Variants in PTPRN2 observed in about 807,000 individuals in gnomAD.
PTPRN2 encodes receptor-type tyrosine-protein phosphatase N2.
Under a neutral mutation model 118.8 loss-of-function variants are expected in PTPRN2, and 74 were observed. The observed-to-expected ratio is 0.62, with a 90% CI of 0.52 to 0.76. PTPRN2 has a LOEUF of 0.76. Ranked by LOEUF, PTPRN2 falls within the 30% of genes least tolerant of loss-of-function variation. The pLI is 0.00. For missense variants in PTPRN2, 1,481 were observed against 1,394.4 expected, an observed-to-expected ratio of 1.06 and a Z score of -0.99; for synonymous variants, 641 against 608.0, an observed-to-expected ratio of 1.05 and a Z score of -0.80.
At chr7:158,333,618 G>A (rs1266754031) in intron 2 of PTPRN2, among the ~76,000 whole-genome samples, 2 of 146,732 alleles carry the variant, frequency 1.4e-5, no homozygotes, top group African/African-American at 5.2e-5. Context: ...ACTATAAGAG[G>A]TGACACCTAC....
intron 11 of PTPRN2, among the ~76,000 whole-genome samples, chr7:158,053,616 A>T (rs574125476): frequency 6.6e-6 from 1 of 152,350 alleles, no homozygotes; most frequent in South Asian, 2.1e-4. Flanking sequence ...ATGTGGTAAA[A>T]GGAGATGTAT....
At chr7:157,569,108 G>A (rs939245403) in intron 20 of PTPRN2, 142 bp from the exon 21 acceptor site, 7 of 818,580 alleles carry the variant, frequency 8.6e-6, no homozygotes, top group African/African-American at 1.7e-5. Context: ...GGGGAGGAAG[G>A]ACGCGGGCTG....
At chr7:158,454,843 A>G (rs908279503) in intron 2 of PTPRN2, among the ~76,000 whole-genome samples, 1 of 152,218 alleles carries the variant, frequency 6.6e-6, no homozygotes, top group African/African-American at 2.4e-5. Context: ...CCCCCCAAGC[A>G]GACTACACAC....
intron 10 of PTPRN2, among the ~76,000 whole-genome samples, chr7:158,098,168 T>C (rs1469097002): frequency 2.6e-5 from 4 of 152,146 alleles, no homozygotes; most frequent in Non-Finnish European, 5.9e-5. Flanking sequence ...GCACCAGAAC[T>C]CAAGACCCAG....
Position 157,690,034 on chromosome 7 carries a change from C to T in PTPRN2, c.1789-7097G>A, listed in dbSNP as rs774997214. 6.6e-6 allele frequency among the ~76,000 whole-genome samples: 1 copy of T among 152,226 alleles called. No homozygotes were observed. Among genetic ancestry groups the T allele is most frequent in the Non-Finnish European group, 1.5e-5 (1 of 68,034 alleles). ...GCCTCCCATCTCCGTGCCTGCACCC[C>T]CCCACCCCCAGCACCCTGCAATGGT... On this transcript the variant is annotated intron_variant, in intron 12 of 22. Transcript: ENST00000389418. The surrounding 1 kb of genome is among the most constrained non-coding windows in gnomAD (Gnocchi z 7.1).
chr7:158,071,496 C>T lies in PTPRN2; in HGVS notation c.1723+9802G>A, dbSNP rs1442640759. Among the ~76,000 whole-genome samples, 13 of 124,422 alleles carry T rather than the reference C, an allele frequency of 1.0e-4. 1 individual carries two copies. Among genetic ancestry groups the T allele is most frequent in the African/African-American group, 4.4e-4 (13 of 29,224 alleles). 81.6% of individuals were successfully genotyped at this position (124,422 alleles called of 152,430 possible). ...GGTGGAGGTTCTCATGGTGCAGGTG[C>T]TCCTGGTGGAGATGCTCGTGGTGGT... is the stretch of plus-strand genomic sequence containing the variant. On this transcript the variant is annotated intron_variant, in intron 11 of 22. Coordinates refer to ENST00000389418, the MANE Select transcript of PTPRN2 (RefSeq NM_002847.5).
intron 5 of PTPRN2, among the ~76,000 whole-genome samples, chr7:158,175,669 A>G (rs548818630): frequency 1.2e-3 from 182 of 152,302 alleles, no homozygotes; most frequent in African/African-American, 4.2e-3. Flanking sequence ...ATACGGTGCT[A>G]TCTCTGCAGC....
At chr7:158,257,445 T>G (rs1797101413) in intron 3 of PTPRN2, among the ~76,000 whole-genome samples, 1 of 152,204 alleles carries the variant, frequency 6.6e-6, no homozygotes, top group Non-Finnish European at 1.5e-5. Flanking sequence ...AAACGTCTTT[T>G]TCTTGTTACT....
chr7:158,485,097 T>A (rs968491236), intron 2 of PTPRN2, among the ~76,000 whole-genome samples: 4 of 152,218 alleles, frequency 2.6e-5, no homozygotes. Flanking sequence ...CCGTGTCACC[T>A]GGGCCACCGA....
chr7:158,108,841 C>T (rs532195284), intron 10 of PTPRN2, among the ~76,000 whole-genome samples: 3 of 152,248 alleles, frequency 2.0e-5, no homozygotes, highest in Admixed American at 6.5e-5. Flanking sequence ...GCTCCTGGTG[C>T]GAGGCCAGGT....
At chr7:158,264,617 C>T (rs1430202437) in intron 3 of PTPRN2, among the ~76,000 whole-genome samples, 1 of 152,116 alleles carries the variant, frequency 6.6e-6, no homozygotes, top group Non-Finnish European at 1.5e-5. Context: ...GACTCACTGC[C>T]CCAGATTCAC....
intron 13 of PTPRN2, among the ~76,000 whole-genome samples, chr7:157,665,023 C>T (rs900994218): frequency 2.6e-5 from 4 of 152,316 alleles, no homozygotes; most frequent in South Asian, 4.1e-4. Flanking sequence ...AGGGGTTAAC[C>T]GGCAGTGGTG....
At chr7:158,575,558 G>A (rs1224633283) in intron 1 of PTPRN2, among the ~76,000 whole-genome samples, 2 of 152,172 alleles carry the variant, frequency 1.3e-5, no homozygotes, top group African/African-American at 4.8e-5. Context: ...TAGAGATAGA[G>A]TCTCACTGTG....
At chr7:158,225,327 T>C (rs1828679069) in intron 3 of PTPRN2, among the ~76,000 whole-genome samples, 1 of 151,538 alleles carries the variant, frequency 6.6e-6, no homozygotes, top group African/African-American at 2.4e-5. Context: ...AACCACCGAG[T>C]CCCTCAGCAG....
chr7:158,351,802 C>G (rs1010592010), intron 2 of PTPRN2, among the ~76,000 whole-genome samples: 2 of 152,090 alleles, frequency 1.3e-5, no homozygotes, highest in Admixed American at 1.3e-4. Context: ...GAGCTGGTTA[C>G]TACAAAGGTA....
chr7:158,009,943 GGCACCA>G (rs1805920435), intron 11 of PTPRN2, among the ~76,000 whole-genome samples: 1 of 152,066 alleles, frequency 6.6e-6, no homozygotes, highest in South Asian at 2.1e-4. Flanking sequence ...CCCCACCATG[GGCACCA>G]GCCAAACCCA....
At chr7:158,100,389 T>A (rs1263961604) in intron 10 of PTPRN2, among the ~76,000 whole-genome samples, 2 of 152,174 alleles carry the variant, frequency 1.3e-5, no homozygotes, top group Admixed American at 1.3e-4. Context: ...CTTTCTCGTA[T>A]AATGACTTCT....
intron 1 of PTPRN2, chr7:158,532,737 A>G (rs375146018): frequency 3.7e-6 from 2 of 534,752 alleles, no homozygotes; most frequent in South Asian, 2.8e-5. Context: ...TCCTCCAGAC[A>G]CACCACGGCA....
At chr7:158,049,771 C>T (rs139802620) in intron 11 of PTPRN2, among the ~76,000 whole-genome samples, 3,457 of 152,140 alleles carry the variant, frequency 0.023, 130 homozygotes, top group African/African-American at 0.079. Context: ...GGCGTGGTGG[C>T]GGGCACCTAT....
Sources: gnomAD v4.1 joint callset for allele counts (sites outside exome capture counted in the v4.1 genomes callset) on GRCh38, gnomAD v4.1.1 for gene constraint, Gnocchi (gnomAD v3.1) non-coding constraint, MANE v1.5 for transcripts, NCBI Gene and HGNC (gene_info 2026-07-23, HGNC 2026-07-21) for gene names.